SHROOM3: variants seen among roughly 807,000 people sequenced by gnomAD.
The protein encoded by SHROOM3 is shroom family member 3.
In SHROOM3, 47 loss-of-function variants were observed where a neutral mutation model predicts 138.6. The observed-to-expected ratio is 0.34, with a 90% CI of 0.27 to 0.43. The LOEUF is 0.43. SHROOM3 is among the 20% of genes least tolerant of loss of function. The pLI, the probability that SHROOM3 is intolerant of heterozygous loss-of-function variation, is 1.00. For missense variants in SHROOM3, 2,491 were observed against 2,596.5 expected (o/e 0.96, Z 0.88); for synonymous variants, 1,062 against 1,063.3 (o/e 1.00, Z 0.02).
chr4:76,487,232 T>C (rs1236930100), intron 1 of SHROOM3, among the ~76,000 whole-genome samples: 4 of 152,248 alleles, frequency 2.6e-5, no homozygotes, highest in Non-Finnish European at 5.9e-5. Context: ...TAACGTAGTG[T>C]TTTCAAGGTT....
At chr4:76,689,619 C>T (rs1719452920) in intron 2 of SHROOM3, 2 of 985,122 alleles carry the variant, frequency 2.0e-6, no homozygotes, top group Non-Finnish European at 2.4e-6. Flanking sequence ...GCCGCCTCCT[C>T]GGAGCGGCGG....
At chr4:76,439,116 C>T (rs1418351966) in intron 1 of SHROOM3, among the ~76,000 whole-genome samples, 1 of 152,166 alleles carries the variant, frequency 6.6e-6, no homozygotes, top group East Asian at 1.9e-4. Flanking sequence ...TTGCTGGAGG[C>T]TCTAGGGGAA....
At chr4:76,491,710 C>T (rs548081651) in intron 1 of SHROOM3, among the ~76,000 whole-genome samples, 47 of 152,208 alleles carry the variant, frequency 3.1e-4, no homozygotes, top group African/African-American at 9.9e-4. Context: ...ACACCAGGAC[C>T]GTCTGCCTCT....
At chr4:76,601,091 A>G (rs890556722) in intron 2 of SHROOM3, among the ~76,000 whole-genome samples, 2 of 152,244 alleles carry the variant, frequency 1.3e-5, no homozygotes, top group African/African-American at 2.4e-5. Context: ...GAGAAGGAAG[A>G]TAAGTTTTCA....
intron 2 of SHROOM3, among the ~76,000 whole-genome samples, chr4:76,591,021 T>A (rs6532494): frequency 1.6e-4 from 25 of 152,228 alleles, no homozygotes; most frequent in Non-Finnish European, 3.2e-4. Context: ...CTCAGAAAAA[T>A]AGGTAGGGAA....
At chr4:76,460,552 A>G (rs1342698792) in intron 1 of SHROOM3, among the ~76,000 whole-genome samples, 2 of 152,128 alleles carry the variant, frequency 1.3e-5, no homozygotes, top group African/African-American at 2.4e-5. Flanking sequence ...TCTGGAGGCT[A>G]GAAGTCCAGG....
At chr4:76,771,042 A>G (rs1359006492) in intron 10 of SHROOM3, 144 bp downstream of exon 10, 8 of 1,102,470 alleles carry the variant, frequency 7.3e-6, no homozygotes, top group Non-Finnish European at 1.1e-5. Context: ...ATAGGTAACC[A>G]AGAAACAGAG....
intron 8 of SHROOM3, among the ~76,000 whole-genome samples, chr4:76,758,902 T>C (rs1369408554): frequency 1.3e-5 from 2 of 152,190 alleles, no homozygotes; most frequent in East Asian, 3.8e-4. Flanking sequence ...AACTACTAGA[T>C]AGCAGGTTTC....
chr4:76,754,590 G>C lies in SHROOM3; in HGVS notation c.4107G>C (p.Gln1369His). The stretch of plus-strand genomic sequence containing the variant: ...CCATTCCCTCTGGCTACTGCTCACA[G>C]GACGGTCAGACAGGGCGACAGCCTC... ...PSAIPSGYCS[Q>H]DGQTGRQPLP... The change falls in exon 7 of 11, where the codon CAG becomes CAC. Residue 1369 changes from glutamine to histidine, a missense_variant. By Grantham distance (24) the Gln-to-His change is conservative. Transcript: ENST00000296043. The C allele has an allele frequency of 6.2e-7, 1 of 1,614,186 alleles. No homozygotes were observed. Among genetic ancestry groups the C allele is most frequent in the Non-Finnish European group, 8.5e-7 (1 of 1,180,032 alleles).
At chr4:76,586,351 C>T (rs1317474525) in intron 2 of SHROOM3, 1 of 985,718 alleles carries the variant, frequency 1.0e-6, no homozygotes, top group Non-Finnish European at 1.2e-6. Context: ...CTCTAGGCCA[C>T]CTCCCCCAAG....
chr4:76,705,404 G>A (rs1288542015), intron 2 of SHROOM3, among the ~76,000 whole-genome samples: 2 of 152,302 alleles, frequency 1.3e-5, no homozygotes, highest in East Asian at 3.9e-4. Context: ...GGCTGAGGTG[G>A]GAGGATCACT....
intron 1 of SHROOM3, among the ~76,000 whole-genome samples, chr4:76,494,957 G>A (rs1731934422): frequency 6.6e-6 from 1 of 152,326 alleles, no homozygotes; most frequent in East Asian, 1.9e-4. Context: ...TCAGAACCAC[G>A]AGTGAATGCA....
intron 2 of SHROOM3, among the ~76,000 whole-genome samples, chr4:76,658,387 T>C (rs1736112377): frequency 1.3e-5 from 2 of 152,178 alleles, no homozygotes; most frequent in African/African-American, 4.8e-5. Flanking sequence ...AGTCAGTATC[T>C]TTAAGTAGAA....
intron 1 of SHROOM3, among the ~76,000 whole-genome samples, chr4:76,450,047 C>T (rs1243602111): frequency 1.3e-5 from 2 of 152,134 alleles, no homozygotes; most frequent in East Asian, 1.9e-4. Context: ...GCCTTGGCAA[C>T]TTAGTGTTCG....
intron 10 of SHROOM3, among the ~76,000 whole-genome samples, chr4:76,777,142 C>T (rs570040693): frequency 1.3e-4 from 20 of 152,014 alleles, no homozygotes; most frequent in South Asian, 1.2e-3. Context: ...AGAATGATGG[C>T]GGTATTTTGA....
rs35294663 is a variant in SHROOM3, at chr4:76,557,226, T to TACACACACACACACACAC, written c.323+1482_323+1499dup. On this transcript the variant is annotated intron_variant, in intron 2 of 10. Coordinates refer to ENST00000296043, the MANE Select transcript of SHROOM3 (RefSeq NM_020859.4). ...GTGTATATATGTATATGTTTATGTA[T>TACACACACACACACACAC]ACACACACACACACACACACACACA... Among the ~76,000 whole-genome samples the TACACACACACACACACAC allele has an allele frequency of 8.4e-3, 1,194 of 141,980 alleles. 10 individuals carry two copies. The highest frequency in any genetic ancestry group is 0.013 in the Non-Finnish European group (884 of 65,896). The allele number at this position is 141,980 out of a possible 152,430, so 93.1% of individuals were successfully genotyped here.
intron 4 of SHROOM3, among the ~76,000 whole-genome samples, chr4:76,734,451 C>T (rs1270949127): frequency 2.0e-5 from 3 of 151,900 alleles, no homozygotes; most frequent in Non-Finnish European, 4.4e-5. Context: ...TCTGTGAGCA[C>T]ACTTTAGGAA....
At chr4:76,764,901 C>A (rs1560621155) in intron 9 of SHROOM3, among the ~76,000 whole-genome samples, 2 of 152,132 alleles carry the variant, frequency 1.3e-5, no homozygotes, top group Non-Finnish European at 2.9e-5. Flanking sequence ...AAGTTTTCAG[C>A]CATTCTGTCT....
intron 6 of SHROOM3, among the ~76,000 whole-genome samples, chr4:76,754,074 C>G (rs1721720711): frequency 6.6e-6 from 1 of 152,104 alleles, no homozygotes; most frequent in African/African-American, 2.4e-5. Flanking sequence ...AAAGAAAATG[C>G]CTTGTGAACC....
Sources: gnomAD v4.1 joint callset for allele counts (sites outside exome capture counted in the v4.1 genomes callset) on GRCh38, gnomAD v4.1.1 for gene constraint, MANE v1.5 for transcripts, NCBI Gene and HGNC (gene_info 2026-07-23, HGNC 2026-07-21) for gene names.